The following ATXN10 variants were observed in gnomAD, a reference collection of about 807,000 sequenced individuals.
The protein encoded by ATXN10 is ataxin 10.
ATXN10 carries 28 observed loss-of-function variants against 52.9 expected under a neutral mutation model. The observed-to-expected ratio is 0.53, with a 90% CI of 0.39 to 0.73. The LOEUF (loss-of-function observed/expected upper bound fraction) is 0.73, where lower values mean the gene tolerates loss of function less well. Ranked by LOEUF, ATXN10 falls within the 30% of genes least tolerant of loss-of-function variation. The pLI, the probability that ATXN10 is intolerant of heterozygous loss-of-function variation, is 0.00. For missense variants in ATXN10, 565 were observed against 577.0 expected (o/e 0.98, Z 0.21); for synonymous variants, 226 against 221.5 (o/e 1.02, Z -0.18).
Position 45,708,993 on chromosome 22 carries a change from TA to T in ATXN10, c.647+6147del, listed in dbSNP as rs1924143703. On this transcript the variant is annotated intron_variant, in intron 5 of 11. Transcript: ENST00000252934. This position sits in a 1 kb window ranked among gnomAD's most constrained non-coding sequence, Gnocchi z 5.3. ...CCCAGTTTCACTACAAAAATGAAGT[TA>T]TAACTGGGAGCAAAGCATTCTTTTT... Among the ~76,000 whole-genome samples, 1 of 152,254 alleles carries T rather than the reference TA, an allele frequency of 6.6e-6. No homozygotes were observed. Among genetic ancestry groups the T allele is most frequent in the Non-Finnish European group, 1.5e-5 (1 of 68,048 alleles).
intron 1 of ATXN10, among the ~76,000 whole-genome samples, chr22:45,686,787 C>G (rs916813163): frequency 4.0e-5 from 6 of 148,832 alleles, no homozygotes; most frequent in African/African-American, 1.5e-4. Context: ...CTACTGCACT[C>G]CAGCCTGGGC....
chr22:45,689,001 A>T (rs992821510), intron 1 of ATXN10, among the ~76,000 whole-genome samples: 2 of 152,140 alleles, frequency 1.3e-5, no homozygotes, highest in Admixed American at 6.5e-5. Flanking sequence ...TGAGATGCCC[A>T]GAGGGTACAA....
Position 45,745,357 on chromosome 22 carries a change from A to G in ATXN10, c.1173+4819A>G, listed in dbSNP as rs529525876. Among the ~76,000 whole-genome samples, 15 of 152,286 alleles carry G rather than the reference A, an allele frequency of 9.8e-5. No individual in the cohort carries two copies. In the South Asian group the frequency reaches 3.1e-3, roughly 32 times the overall value. ...CTAGTTTATCTACCTTCCGCCCGCCAAGGAAATTGTATTGACTAGGATGGG... is the reference window on the plus strand; with the variant it reads ...CTAGTTTATCTACCTTCCGCCCGCCGAGGAAATTGTATTGACTAGGATGGG... On this transcript the variant is annotated intron_variant, in intron 9 of 11. Transcript: ENST00000252934.
chr22:45,829,183 T>TA (rs1928910574), intron 10 of ATXN10, among the ~76,000 whole-genome samples: 1 of 151,976 alleles, frequency 6.6e-6, no homozygotes, highest in South Asian at 2.1e-4. Flanking sequence ...CTCTTCATGA[T>TA]AAAAAACACT....
intron 10 of ATXN10, among the ~76,000 whole-genome samples, chr22:45,811,945 G>A (rs1385669537): frequency 6.6e-6 from 1 of 152,152 alleles, no homozygotes; most frequent in Non-Finnish European, 1.5e-5. Flanking sequence ...CTCAGAATAA[G>A]CCTAGTCTAT....
chr22:45,841,831 A>C lies in ATXN10; in HGVS notation c.1238-1160A>C, dbSNP rs1303837046. ...ATGTTGGGGGAGCTAGAAATGTCTC[A>C]GAACTGGTCCACAGCGTTGCACAGG... is the stretch of plus-strand genomic sequence containing the variant. On this transcript the variant is annotated intron_variant, in intron 10 of 11. Coordinates refer to ENST00000252934, the MANE Select transcript of ATXN10 (RefSeq NM_013236.4). The surrounding 1 kb of genome is among the most constrained non-coding windows in gnomAD (Gnocchi z 5.1). Among the ~76,000 whole-genome samples, 1 of 152,222 alleles carries C rather than the reference A, an allele frequency of 6.6e-6. No homozygotes were observed. Among genetic ancestry groups the C allele is most frequent in the Non-Finnish European group, 1.5e-5 (1 of 68,032 alleles).
intron 9 of ATXN10, among the ~76,000 whole-genome samples, chr22:45,741,611 A>G (rs899745097): frequency 6.6e-6 from 1 of 152,166 alleles, no homozygotes; most frequent in African/African-American, 2.4e-5. Flanking sequence ...CTGATGCCAC[A>G]TAGATCAGGG....
rs73889614 is a variant in ATXN10, at chr22:45,789,244, G to T, written c.1174-17715G>T. On this transcript the variant is annotated intron_variant, in intron 9 of 11. Transcript: ENST00000252934. The surrounding 1 kb of genome is among the most constrained non-coding windows in gnomAD (Gnocchi z 4.0). ...ATAGGAATTACCATAATTTGTAAATGTATTTTTAGTTATTAATTTACTCAC... is the reference window on the plus strand; with the variant it reads ...ATAGGAATTACCATAATTTGTAAATTTATTTTTAGTTATTAATTTACTCAC... Among the ~76,000 whole-genome samples, 1 of 152,152 alleles carries T rather than the reference G, an allele frequency of 6.6e-6. No homozygotes were observed. Among genetic ancestry groups the T allele is most frequent in the Non-Finnish European group, 1.5e-5 (1 of 68,028 alleles).
chr22:45,797,444 C>T (rs961723194), intron 9 of ATXN10, among the ~76,000 whole-genome samples: 4 of 152,146 alleles, frequency 2.6e-5, no homozygotes, highest in Non-Finnish European at 5.9e-5. Flanking sequence ...TTAAACAGTA[C>T]ACTTCTAAAT....
chr22:45,823,412 G>A lies in ATXN10; in HGVS notation c.1237+16390G>A, dbSNP rs1325734062. The A allele has an allele frequency of 6.9e-6, 2 of 287,848 alleles. No individual in the cohort carries two copies. The highest frequency in any genetic ancestry group is 1.4e-5 in the Non-Finnish European group (2 of 144,928). The allele number at this position is 287,848 out of a possible 1,614,324, so 17.8% of individuals were successfully genotyped here. On this transcript the variant is annotated intron_variant, in intron 10 of 11. Transcript: ENST00000252934. The surrounding 1 kb of genome is among the most constrained non-coding windows in gnomAD (Gnocchi z 4.9). ...TATCAGAATTGTAATTATTTATGAT[G>A]TACAGTAGGGATTCTGTCTTTTTTT...
In ATXN10 at chr22:45,718,577, T is replaced by C; in HGVS notation, c.728+84T>C. The C allele has an allele frequency of 8.1e-7, 1 of 1,227,290 alleles. No homozygotes were observed. The highest frequency in any genetic ancestry group is 1.2e-6 in the Non-Finnish European group (1 of 828,344). 76.0% of individuals were successfully genotyped at this position (1,227,290 alleles called of 1,614,324 possible). ...CACGTGACTGAAAAGCTGTGTGGTT[T>C]CTGAGTTGGCACAGAATCTCTAAAT... On this transcript the variant is annotated intron_variant, in intron 6 of 11. Coordinates refer to ENST00000252934, the MANE Select transcript of ATXN10 (RefSeq NM_013236.4). This position sits in a 1 kb window ranked among gnomAD's most constrained non-coding sequence, Gnocchi z 4.4.
chr22:45,693,000 T>A lies in ATXN10; in HGVS notation c.313T>A (p.Leu105Met). 6.2e-7 allele frequency: 1 copy of A among 1,614,080 alleles called. No homozygotes were observed. The highest frequency in any genetic ancestry group is 1.1e-5 in the South Asian group (1 of 91,076). ...CSVNQNSIRN[L>M]DTIGVAVDLI... ...TGTCTTTTTTAAAAAACCCAGGAACTTGGATACGATTGGTGTTGCTGTTGA... is the reference window on the plus strand; with the variant it reads ...TGTCTTTTTTAAAAAACCCAGGAACATGGATACGATTGGTGTTGCTGTTGA... Residue 105 changes from leucine to methionine, a missense_variant, in exon 3 of 12, where the codon TTG becomes ATG. Coordinates refer to ENST00000252934, the MANE Select transcript of ATXN10 (RefSeq NM_013236.4).
intron 10 of ATXN10, among the ~76,000 whole-genome samples, chr22:45,811,359 C>A (rs1928273392): frequency 6.6e-6 from 1 of 152,062 alleles, no homozygotes; most frequent in South Asian, 2.1e-4. Context: ...TATTCTCAAC[C>A]TTTCTGTCTG....
intron 3 of ATXN10, among the ~76,000 whole-genome samples, chr22:45,694,493 A>T (rs534413826): frequency 6.6e-6 from 1 of 152,150 alleles, no homozygotes; most frequent in East Asian, 1.9e-4. Context: ...TTCCAAAAAA[A>T]TACAAAGGCT....
At chr22:45,695,449 TAC>T (rs1440238378) in intron 3 of ATXN10, among the ~76,000 whole-genome samples, 3 of 152,022 alleles carry the variant, frequency 2.0e-5, no homozygotes, top group Admixed American at 1.3e-4. Context: ...TTGTTTTATA[TAC>T]AGTTTTAATG....
chr22:45,763,216 T>C lies in ATXN10; in HGVS notation c.1173+22678T>C, dbSNP rs1349766224. Among the ~76,000 whole-genome samples, 1 of 150,124 alleles carries C rather than the reference T, an allele frequency of 6.7e-6. No individual in the cohort carries two copies. The highest frequency in any genetic ancestry group is 2.0e-4 in the East Asian group (1 of 5,124). ...GGGCAGTGTTCTGGGGGCAGGGAGG[T>C]GGTGGGAGAATCTGGAGAGCTGGAG... On this transcript the variant is annotated intron_variant, in intron 9 of 11. Coordinates refer to ENST00000252934, the MANE Select transcript of ATXN10 (RefSeq NM_013236.4). The surrounding 1 kb of genome is among the most constrained non-coding windows in gnomAD (Gnocchi z 6.9).
chr22:45,812,919 A>G (rs1327518032), intron 10 of ATXN10, among the ~76,000 whole-genome samples: 1 of 152,072 alleles, frequency 6.6e-6, no homozygotes, highest in East Asian at 1.9e-4. Flanking sequence ...AGAAGCAAAA[A>G]CTGCCCCACA....
intron 9 of ATXN10, among the ~76,000 whole-genome samples, chr22:45,753,964 G>T (rs1165784459): frequency 6.6e-6 from 1 of 152,178 alleles, no homozygotes. Flanking sequence ...CTTGTTTGCA[G>T]TCCTGAAAAC....
Position 45,774,339 on chromosome 22 carries a change from T to C in ATXN10, c.1174-32620T>C, listed in dbSNP as rs1191954245. Among the ~76,000 whole-genome samples the C allele has an allele frequency of 6.6e-6, 1 of 152,246 alleles. No homozygotes were observed. The highest frequency in any genetic ancestry group is 1.5e-5 in the Non-Finnish European group (1 of 68,040). On this transcript the variant is annotated intron_variant, in intron 9 of 11. Coordinates refer to ENST00000252934, the MANE Select transcript of ATXN10 (RefSeq NM_013236.4). This position sits in a 1 kb window ranked among gnomAD's most constrained non-coding sequence, Gnocchi z 6.2. ...ATGGCAGCCTGTCCCTACCAGTCCC[T>C]GCATCGCTATTTTGGAGTGAGACAG...
Sources: allele counts gnomAD v4.1 joint callset (sites outside exome capture counted in the v4.1 genomes callset), GRCh38; gene constraint gnomAD v4.1.1; non-coding constraint Gnocchi (gnomAD v3.1); transcripts MANE v1.5; gene names NCBI Gene and HGNC (gene_info 2026-07-23, HGNC 2026-07-21).